Variants in PAFAH1B2 observed in about 807,000 individuals in gnomAD.
The protein encoded by PAFAH1B2 is platelet activating factor acetylhydrolase 1b catalytic subunit 2.
Under a neutral mutation model 28.0 loss-of-function variants are expected in PAFAH1B2, and 8 were observed. The ratio of observed to expected loss-of-function variants is 0.29; its 90% confidence interval spans 0.17 to 0.52. The LOEUF (loss-of-function observed/expected upper bound fraction) is 0.52. Among genes scored for constraint, PAFAH1B2 ranks in the 20% least tolerant of loss-of-function variants. The pLI is 0.97. For missense variants in PAFAH1B2, 190 were observed against 282.6 expected (o/e 0.67, Z 2.35); for synonymous variants, 104 against 103.2 (o/e 1.01, Z -0.05).
rs1340550144 is a variant in PAFAH1B2 at position 117,170,458 on chromosome 11, TC to T, written c.*2761del. ...ACGGGTGATCTAGGGCAGGCTGTCTTCCAGTCCATGTGTTCTCGGTCGCCGT... is the reference window on the plus strand; with the variant it reads ...ACGGGTGATCTAGGGCAGGCTGTCTTCAGTCCATGTGTTCTCGGTCGCCGT... On this transcript the variant is annotated 3_prime_UTR_variant, in exon 6 of 6. Transcript: ENST00000527958. 9.4e-7 allele frequency: 1 copy of T among 1,060,098 alleles called. No individual in the cohort carries two copies. Among genetic ancestry groups the T allele is most frequent in the Non-Finnish European group, 1.1e-6 (1 of 876,466 alleles). 65.7% of individuals were successfully genotyped at this position (1,060,098 alleles called of 1,614,324 possible). A position where few individuals can be genotyped will look rare whatever the true frequency, so the allele number is the denominator to read the frequency against.
At chr11:117,176,131 C>G in exon 6 of PAFAH1B2, 1 of 577,720 alleles carries the variant, frequency 1.7e-6, no homozygotes, top group African/African-American at 1.9e-5. Context: ...TACTAATGGG[C>G]TGAAGTTTTT....
intron 1 of PAFAH1B2, among the ~76,000 whole-genome samples, chr11:117,145,481 A>T (rs560383104): frequency 2.5e-4 from 38 of 152,324 alleles, no homozygotes; most frequent in African/African-American, 8.9e-4. Flanking sequence ...GGAAGGAGAA[A>T]GTGCTTAATT....
In PAFAH1B2 at chr11:117,168,845, C is replaced by T. The variant is rs113590471; in HGVS notation, c.*1146C>T. ...TTTCACTGTTGCCCAGGCTGGGGTG[C>T]AATGGTGTGATCTTGGCTCACTGCA... is the stretch of plus-strand genomic sequence containing the variant. On this transcript the variant is annotated 3_prime_UTR_variant, in exon 6 of 6. Coordinates refer to ENST00000527958, the MANE Select transcript of PAFAH1B2 (RefSeq NM_002572.4). The T allele has an allele frequency of 7.2e-3, 4,882 of 681,858 alleles. 214 individuals are homozygous for T. The African/African-American group carries it at 0.087, about 12-fold the overall frequency. 42.2% of individuals were successfully genotyped at this position (681,858 alleles called of 1,614,324 possible).
intron 1 of PAFAH1B2, among the ~76,000 whole-genome samples, chr11:117,149,105 ACTT>A (rs1054828598): frequency 4.8e-5 from 7 of 144,628 alleles, no homozygotes; most frequent in Non-Finnish European, 1.0e-4. Context: ...CTGGTCTTGA[ACTT>A]CTGACCTCAG....
At position 117,167,718 on chromosome 11, in the gene PAFAH1B2, A is replaced by G; in HGVS notation, c.*19A>G. On this transcript the variant is annotated 3_prime_UTR_variant, in exon 6 of 6. Transcript: ENST00000527958. The stretch of plus-strand genomic sequence containing the variant: ...TGCCTGACTGGCTCTTATCAGTGTT[A>G]ATAGCATCTCAGCTTCCTCAGATCA... The G allele has an allele frequency of 6.6e-7, 1 of 1,504,302 alleles. No individual in the cohort carries two copies. Among genetic ancestry groups the G allele is most frequent in the Non-Finnish European group, 8.9e-7 (1 of 1,121,798 alleles). 93.2% of individuals were successfully genotyped at this position (1,504,302 alleles called of 1,614,324 possible). A position where few individuals can be genotyped will look rare whatever the true frequency, so the allele number is the denominator to read the frequency against.
chr11:117,164,550 T>C (rs1303932867), intron 5 of PAFAH1B2, among the ~76,000 whole-genome samples: 1 of 152,246 alleles, frequency 6.6e-6, no homozygotes, highest in Non-Finnish European at 1.5e-5. Flanking sequence ...GTAAGTGTCC[T>C]GTTTTACTGC....
chr11:117,146,438 T>C (rs573791698), intron 1 of PAFAH1B2, among the ~76,000 whole-genome samples: 2 of 152,304 alleles, frequency 1.3e-5, no homozygotes, highest in South Asian at 2.1e-4. Flanking sequence ...TTCGTTCTTA[T>C]TTTATGTGTC....
chr11:117,171,518 A>G (rs1669547870), downstream of PAFAH1B2: 6 of 584,338 alleles, frequency 1.0e-5, no homozygotes, highest in South Asian at 1.0e-4. Context: ...CCTGGGCAAC[A>G]GAGCGAGACT....
At position 117,167,597 on chromosome 11, in the gene PAFAH1B2, T is replaced by G; in HGVS notation, c.588T>G (p.His196Gln). The part of the protein sequence containing the change: ...ISCHDMFDFL[H>Q]LTGGGYAKIC... The stretch of plus-strand genomic sequence containing the variant: ...GCCACGACATGTTTGATTTTCTGCA[T>G]CTGACAGGAGGGGGCTATGCAAAGA... The change falls in exon 6 of 6, where the codon CAT becomes CAG. Residue 196 changes from histidine to glutamine, a missense_variant. Transcript: ENST00000527958. The G allele has an allele frequency of 6.2e-7, 1 of 1,612,756 alleles. No homozygotes were observed. The highest frequency in any genetic ancestry group is 8.5e-7 in the Non-Finnish European group (1 of 1,179,202).
chr11:117,153,161 T>C (rs905050694), intron 2 of PAFAH1B2, among the ~76,000 whole-genome samples: 7 of 152,236 alleles, frequency 4.6e-5, no homozygotes, highest in African/African-American at 1.7e-4. Flanking sequence ...TTTGTTACTG[T>C]AAGTAAAAAT....
At chr11:117,177,620 C>T (rs1043865359), downstream of PAFAH1B2, among the ~76,000 whole-genome samples, 6 of 152,350 alleles carry the variant, frequency 3.9e-5, no homozygotes, top group Non-Finnish European at 7.3e-5. Context: ...CTGCAACCTC[C>T]GCCTGGTAGA....
chr11:117,168,446 G>GTTTGGTGTTTTTT lies in PAFAH1B2; in HGVS notation c.*750_*751insGGTGTTTTTTTTT. On this transcript the variant is annotated 3_prime_UTR_variant, in exon 6 of 6. Coordinates refer to ENST00000527958, the MANE Select transcript of PAFAH1B2 (RefSeq NM_002572.4). ...TCCCCTTCATTCCCCCCGCCACCCC[G>GTTTGGTGTTTTTT]TTTTTTTTTTTTTTTTTTTTTTTTT... 4.3e-6 allele frequency: 1 copy of GTTTGGTGTTTTTT among 234,816 alleles called. No homozygotes were observed. The highest frequency in any genetic ancestry group is 5.0e-6 in the Non-Finnish European group (1 of 200,704). 14.5% of individuals were successfully genotyped at this position (234,816 alleles called of 1,614,324 possible).
At chr11:117,176,243 G>T in exon 6 of PAFAH1B2, 1 of 433,718 alleles carries the variant, frequency 2.3e-6, no homozygotes, top group Non-Finnish European at 4.1e-6. Flanking sequence ...TTTGGAAAAG[G>T]GGTGCAGCTT....
chr11:117,173,602 G>T (rs1956718954), downstream of PAFAH1B2, among the ~76,000 whole-genome samples: 2 of 152,194 alleles, frequency 1.3e-5, no homozygotes. Flanking sequence ...AGGGCAACAG[G>T]CCTGAGCCAC....
intron 2 of PAFAH1B2, among the ~76,000 whole-genome samples, chr11:117,157,076 T>C (rs1055250193): frequency 1.3e-5 from 2 of 150,890 alleles, no homozygotes; most frequent in Non-Finnish European, 3.0e-5. Flanking sequence ...CTACAGTACC[T>C]GCAATAGGGA....
intron 4 of PAFAH1B2, 145 bp from the exon 5 acceptor site, chr11:117,163,625 A>G (rs1039592342): frequency 7.9e-6 from 6 of 756,784 alleles, no homozygotes; most frequent in Non-Finnish European, 1.3e-5. Context: ...GTGAGCCGAA[A>G]TGGTGCCACT....
chr11:117,168,662 C>T lies in PAFAH1B2; in HGVS notation c.*963C>T, dbSNP rs1318229827. 9.4e-7 allele frequency: 1 copy of T among 1,062,490 alleles called. No homozygotes were observed. The allele number at this position is 1,062,490 out of a possible 1,614,324, so 65.8% of individuals were successfully genotyped here. A position where few individuals can be genotyped will look rare whatever the true frequency, so the allele number is the denominator to read the frequency against. ...TTCTGGTTTTGTTTTTCCCTTAAAA[C>T]CTGTTAACAGTTTTTTTTGGGGGTG... is the stretch of plus-strand genomic sequence containing the variant. On this transcript the variant is annotated 3_prime_UTR_variant, in exon 6 of 6. Transcript: ENST00000527958.
rs780129348 is a variant in PAFAH1B2 at position 117,168,001 on chromosome 11, A to G, written c.*302A>G. 146 of 1,079,892 alleles carry G rather than the reference A, an allele frequency of 1.4e-4. No homozygotes were observed. Among genetic ancestry groups the G allele is most frequent in the Non-Finnish European group, 1.5e-4 (136 of 889,604 alleles). The allele number at this position is 1,079,892 out of a possible 1,614,324, so 66.9% of individuals were successfully genotyped here. On this transcript the variant is annotated 3_prime_UTR_variant, in exon 6 of 6. Coordinates refer to ENST00000527958, the MANE Select transcript of PAFAH1B2 (RefSeq NM_002572.4). ...ATTATCACTGTTTTCTTGGGACAAC[A>G]TCAAGCCTAAATACTGAACAATATG...
In PAFAH1B2 at chr11:117,169,477, C is replaced by CT. The variant is rs1429594400; in HGVS notation, c.*1782dup. The stretch of plus-strand genomic sequence containing the variant: ...CGTACTTGAAAGGCAAATTTCAGTG[C>CT]TTTTGTATGTTGGAGGAGGGCTTAC... On this transcript the variant is annotated 3_prime_UTR_variant, in exon 6 of 6. Transcript: ENST00000527958. 6 of 1,017,916 alleles carry CT rather than the reference C, an allele frequency of 5.9e-6. No individual in the cohort carries two copies. Among genetic ancestry groups the CT allele is most frequent in the Non-Finnish European group, 7.1e-6 (6 of 847,594 alleles). 63.1% of individuals were successfully genotyped at this position (1,017,916 alleles called of 1,614,324 possible).
Sources: gnomAD v4.1 joint callset for allele counts (sites outside exome capture counted in the v4.1 genomes callset) on GRCh38, gnomAD v4.1.1 for gene constraint, MANE v1.5 for transcripts, NCBI Gene and HGNC (gene_info 2026-07-23, HGNC 2026-07-21) for gene names.